The following ROR1 variants were observed in gnomAD, a reference collection of about 807,000 sequenced individuals.
ROR1 encodes the protein ROR family WNT receptor 1, also known as inactive tyrosine-protein kinase transmembrane receptor ROR1.
A neutral mutation model predicts 78.8 loss-of-function variants in ROR1; 19 were observed. The ratio of observed to expected loss-of-function variants is 0.24; its 90% CI spans 0.17 to 0.35. ROR1 has a LOEUF of 0.35. Ranked by LOEUF, ROR1 falls within the 10% of genes least tolerant of loss-of-function variation. The pLI, the probability that ROR1 is intolerant of heterozygous loss-of-function variation, is 1.00. For missense variants in ROR1, 917 were observed against 1,177.8 expected, an observed-to-expected ratio of 0.78 and a Z score of 3.24; for synonymous variants, 386 against 433.6, an observed-to-expected ratio of 0.89 and a Z score of 1.36.
At chr1:64,005,037 C>G (rs1557604761) in intron 1 of ROR1, among the ~76,000 whole-genome samples, 1 of 152,132 alleles carries the variant, frequency 6.6e-6, no homozygotes, top group Admixed American at 6.5e-5. Context: ...AACTGGTGAC[C>G]AATTCAGGAA....
At position 64,177,656 on chromosome 1, in the gene ROR1, C is replaced by T. The variant is rs545865972; in HGVS notation, c.1615C>T (p.Leu539=). The part of the protein sequence containing the change: ...ELHHPNIVCL[L]GAVTQEQPVC... ...GCACCACCCCAATATTGTCTGCCTT[C>T]TAGGTGCCGTCACTCAGGAACAACC... Residue 539 remains leucine, a synonymous_variant, in exon 9 of 9, where the codon CTA becomes TTA. Coordinates refer to ENST00000371079, the MANE Select transcript of ROR1 (RefSeq NM_005012.4). 60 of 1,614,192 alleles carry T rather than the reference C, an allele frequency of 3.7e-5. No homozygotes were observed. The African/African-American group carries it at 7.6e-4, about 20-fold the overall frequency.
intron 4 of ROR1, among the ~76,000 whole-genome samples, chr1:64,086,244 G>A (rs1041186112): frequency 3.8e-4 from 58 of 152,200 alleles, no homozygotes; most frequent in African/African-American, 1.4e-3. Context: ...TACAGACAAA[G>A]CAACTGAGGT....
intron 4 of ROR1, among the ~76,000 whole-genome samples, chr1:64,088,666 T>C (rs889190929): frequency 2.0e-5 from 3 of 152,194 alleles, no homozygotes; most frequent in African/African-American, 7.2e-5. Flanking sequence ...GATCCCACCA[T>C]TTGTAACCAA....
At chr1:64,136,828 C>T (rs759942790) in intron 4 of ROR1, among the ~76,000 whole-genome samples, 1 of 152,038 alleles carries the variant, frequency 6.6e-6, no homozygotes, top group Non-Finnish European at 1.5e-5. Context: ...TTGCCCTGGT[C>T]CTCTTTGGGC....
At chr1:64,137,565 GCTC>G in intron 5 of ROR1, 69 bp downstream of exon 5, 1 of 1,487,646 alleles carries the variant, frequency 6.7e-7, no homozygotes, top group East Asian at 2.3e-5. Context: ...GTTTTATTGA[GCTC>G]CTCTCTTGAC....
In ROR1 at chr1:63,967,003, T is replaced by A. The variant is rs572808455; in HGVS notation, c.92-42302T>A. ...GCCTCATCAGACTGGACTCTTAAACTCAATCAAATTTAGTTATTTGAGCCC... is the reference window on the plus strand; with the variant it reads ...GCCTCATCAGACTGGACTCTTAAACACAATCAAATTTAGTTATTTGAGCCC... On this transcript the variant is annotated intron_variant, in intron 1 of 8. Coordinates refer to ENST00000371079, the MANE Select transcript of ROR1 (RefSeq NM_005012.4). Among the ~76,000 whole-genome samples the A allele has an allele frequency of 2.2e-4, 33 of 152,326 alleles. 1 individual carries two copies. The East Asian group carries it at 6.4e-3, about 29-fold the overall frequency.
At chr1:64,170,048 G>T (rs796162332) in intron 8 of ROR1, among the ~76,000 whole-genome samples, 1 of 152,310 alleles carries the variant, frequency 6.6e-6, no homozygotes, top group African/African-American at 2.4e-5. Context: ...CAGACTCACA[G>T]TGCAAGCTGT....
chr1:64,105,305 T>C (rs1647751807), intron 4 of ROR1: 1 of 152,214 alleles, frequency 6.6e-6, no homozygotes, highest in South Asian at 2.1e-4. Context: ...TTGATGGGGT[T>C]ATTTTTTTCT....
At chr1:63,951,712 C>T (rs937927419) in intron 1 of ROR1, among the ~76,000 whole-genome samples, 1 of 152,120 alleles carries the variant, frequency 6.6e-6, no homozygotes, top group Non-Finnish European at 1.5e-5. Flanking sequence ...AAAGACACCC[C>T]CCCCTCACCA....
At chr1:64,082,946 A>G (rs1457624307) in intron 4 of ROR1, among the ~76,000 whole-genome samples, 1 of 152,224 alleles carries the variant, frequency 6.6e-6, no homozygotes, top group Non-Finnish European at 1.5e-5. Flanking sequence ...TGCTTTCCAG[A>G]GGACCAGAAC....
At chr1:63,829,580 G>A (rs894024386) in intron 1 of ROR1, among the ~76,000 whole-genome samples, 10 of 152,310 alleles carry the variant, frequency 6.6e-5, no homozygotes, top group African/African-American at 9.6e-5. Flanking sequence ...AGTATTGCAG[G>A]TAGGAGGAAT....
intron 2 of ROR1, among the ~76,000 whole-genome samples, chr1:64,044,466 A>C (rs1646768762): frequency 6.6e-6 from 1 of 152,176 alleles, no homozygotes; most frequent in African/African-American, 2.4e-5. Flanking sequence ...CCACTGCCAT[A>C]TACTTGTAGT....
At chr1:63,937,471 CCTT>C (rs1301538855) in intron 1 of ROR1, among the ~76,000 whole-genome samples, 2 of 152,100 alleles carry the variant, frequency 1.3e-5, no homozygotes, top group Non-Finnish European at 2.9e-5. Context: ...GCGCAGACAT[CCTT>C]CTAACTTCTG....
At chr1:64,011,336 A>G (rs935198823) in intron 2 of ROR1, among the ~76,000 whole-genome samples, 3 of 152,230 alleles carry the variant, frequency 2.0e-5, no homozygotes, top group African/African-American at 7.2e-5. Flanking sequence ...AAAGACCCTG[A>G]ACATTAACTT....
At position 64,177,723 on chromosome 1, in the gene ROR1, A is replaced by G. The variant is rs142012034; in HGVS notation, c.1682A>G (p.His561Arg). 1.2e-6 allele frequency: 2 copies of G among 1,614,180 alleles called. No individual in the cohort carries two copies. Among genetic ancestry groups the G allele is most frequent in the Non-Finnish European group, 1.7e-6 (2 of 1,180,036 alleles). Reference sequence around the variant, plus strand: ...GAGTATATTAATCAGGGGGATCTCCATGAGTTCCTCATCATGAGATCCCCA... The same window carrying G: ...GAGTATATTAATCAGGGGGATCTCCGTGAGTTCCTCATCATGAGATCCCCA... Reference protein sequence around the residue: ...LFEYINQGDLHEFLIMRSPHS... With the variant: ...LFEYINQGDLREFLIMRSPHS... The change falls in exon 9 of 9, where the codon CAT becomes CGT. Residue 561 changes from histidine to arginine, a missense_variant. By Grantham distance (29) the His-to-Arg change is conservative. Around this residue, in one of 3 missense-constraint regions of ROR1, gnomAD observed 835 missense variants for 1,069.8 expected, o/e 0.78. Transcript: ENST00000371079.
At chr1:63,859,221 G>A (rs1380860636) in intron 1 of ROR1, among the ~76,000 whole-genome samples, 2 of 152,144 alleles carry the variant, frequency 1.3e-5, no homozygotes, top group East Asian at 3.9e-4. Context: ...GGGTTTTGGT[G>A]TTGAGCGCTT....
At chr1:63,835,595 C>T (rs150766045) in intron 1 of ROR1, among the ~76,000 whole-genome samples, 2 of 152,278 alleles carry the variant, frequency 1.3e-5, no homozygotes, top group African/African-American at 4.8e-5. Context: ...TTCAGTCACT[C>T]ATTTATTCAT....
chr1:63,846,088 T>C (rs2100322465), intron 1 of ROR1, among the ~76,000 whole-genome samples: 1 of 151,776 alleles, frequency 6.6e-6, no homozygotes, highest in African/African-American at 2.4e-5. Context: ...TAGTGAATTT[T>C]ATATTTTTTA....
intron 1 of ROR1, among the ~76,000 whole-genome samples, chr1:63,992,906 C>G (rs1343415602): frequency 6.6e-6 from 1 of 152,176 alleles, no homozygotes; most frequent in Non-Finnish European, 1.5e-5. Context: ...ACAACTACCC[C>G]TTATGAATTT....
Sources: allele counts gnomAD v4.1 joint callset (sites outside exome capture counted in the v4.1 genomes callset), GRCh38; gene constraint gnomAD v4.1.1; regional missense constraint gnomAD v4.1.1; transcripts MANE v1.5; gene names NCBI Gene and HGNC (gene_info 2026-07-23, HGNC 2026-07-21).